The following DIS3L2 variants were observed in gnomAD, a reference collection of about 807,000 sequenced individuals.
The protein encoded by DIS3L2 is DIS3 like 3'-5' exoribonuclease 2.
DIS3L2 carries 34 observed loss-of-function variants against 97.5 expected under a neutral mutation model. The observed-to-expected ratio is 0.35, with a 90% confidence interval of 0.27 to 0.46. DIS3L2 has a LOEUF of 0.46. Among genes scored for constraint, DIS3L2 ranks in the 20% least tolerant of loss-of-function variants. The pLI is 1.00. For synonymous variants in DIS3L2, 435 were observed against 445.2 expected (o/e 0.98, Z 0.29); for missense variants, 1,038 against 1,146.0 (o/e 0.91, Z 1.36).
chr2:232,136,790 T>A, intron 8 of DIS3L2, 71 bp downstream of exon 8: 1 of 1,531,890 alleles, frequency 6.5e-7, no homozygotes, highest in Non-Finnish European at 8.8e-7. Flanking sequence ...TTAGGTAAAC[T>A]TTTTGTGTAT....
At chr2:231,990,708 A>G (rs1693560435) in intron 1 of DIS3L2, among the ~76,000 whole-genome samples, 1 of 152,042 alleles carries the variant, frequency 6.6e-6, no homozygotes, top group African/African-American at 2.4e-5. Flanking sequence ...TTATTGTGTG[A>G]TTTATGGCCA....
intron 3 of DIS3L2, 48 bp from the exon 4 acceptor site, chr2:232,024,229 C>A (rs377642822): frequency 7.1e-7 from 1 of 1,400,000 alleles, no homozygotes; most frequent in Admixed American, 2.2e-5. Flanking sequence ...GTGGAAAAAT[C>A]GTAAATATAT....
Position 232,024,342 on chromosome 2 carries a change from A to G in DIS3L2, c.264+12A>G, listed in dbSNP as rs1199840613. On this transcript the variant is annotated intron_variant, in intron 4 of 20. Coordinates refer to ENST00000325385, the MANE Select transcript of DIS3L2 (RefSeq NM_152383.5). ...TCATTCCTTCCCCGGTAAGTTCAAT[A>G]AATTTATAATAAACTTTATGTCACA... is the stretch of plus-strand genomic sequence containing the variant. 1 of 1,584,654 alleles carries G rather than the reference A, an allele frequency of 6.3e-7. No homozygotes were observed. The highest frequency in any genetic ancestry group is 1.1e-5 in the South Asian group (1 of 86,960).
At chr2:232,184,916 A>T (rs1197434902) in intron 9 of DIS3L2, among the ~76,000 whole-genome samples, 1 of 152,092 alleles carries the variant, frequency 6.6e-6, no homozygotes, top group African/African-American at 2.4e-5. Context: ...ATTGTACTTC[A>T]TCCATTTTCC....
chr2:232,335,660 G>A (rs1695919022), intron 19 of DIS3L2, 113 bp from the exon 20 acceptor site: 2 of 1,217,020 alleles, frequency 1.6e-6, no homozygotes, highest in East Asian at 2.6e-5. Flanking sequence ...CCAGGCAAGG[G>A]TGGGCCAGGG....
chr2:232,012,948 G>C (rs1188344320), intron 1 of DIS3L2, among the ~76,000 whole-genome samples: 3 of 152,132 alleles, frequency 2.0e-5, no homozygotes, highest in Non-Finnish European at 4.4e-5. Context: ...TTTTGCTCCT[G>C]TTTTCAAGTA....
Position 232,336,683 on chromosome 2 carries a change from GC to G in DIS3L2, c.*54del. 6.4e-7 allele frequency: 1 copy of G among 1,572,596 alleles called. No homozygotes were observed. The highest frequency in any genetic ancestry group is 8.6e-7 in the Non-Finnish European group (1 of 1,164,620). ...CCCGCCTGCCTGTCCCGCCACACTG[GC>G]TTTAGGACCTGTTGACACGGAGGGG... On this transcript the variant is annotated 3_prime_UTR_variant, in exon 21 of 21. Coordinates refer to ENST00000325385, the MANE Select transcript of DIS3L2 (RefSeq NM_152383.5).
intron 9 of DIS3L2, among the ~76,000 whole-genome samples, chr2:232,167,871 G>A (rs1425601847): frequency 6.6e-6 from 1 of 152,088 alleles, no homozygotes; most frequent in African/African-American, 2.4e-5. Context: ...CCAACATGGT[G>A]AAACCCTGTC....
chr2:232,275,881 C>T (rs889412684), intron 13 of DIS3L2, among the ~76,000 whole-genome samples: 5 of 152,104 alleles, frequency 3.3e-5, no homozygotes, highest in Admixed American at 6.5e-5. Flanking sequence ...CAGGTGTGCA[C>T]GTGGCTGCTT....
At chr2:232,010,649 C>T (rs551233013) in intron 1 of DIS3L2, among the ~76,000 whole-genome samples, 20 of 152,048 alleles carry the variant, frequency 1.3e-4, no homozygotes, top group East Asian at 7.7e-4. Flanking sequence ...CTTCGCTATT[C>T]GGCTTCATAC....
intron 11 of DIS3L2, among the ~76,000 whole-genome samples, chr2:232,242,465 GGCTCCCACATCACTGCTA>G (rs1182948798): frequency 6.6e-6 from 1 of 152,162 alleles, no homozygotes; most frequent in Admixed American, 6.5e-5. Flanking sequence ...GTGGGCATCT[GGCTCCCACATCACTGCTA>G]GTCCTTCCTG....
At chr2:232,337,219 CG>C (rs1695989141), downstream of DIS3L2, 1 of 900,780 alleles carries the variant, frequency 1.1e-6, no homozygotes, top group African/African-American at 3.4e-5. Context: ...ATCACCCTGA[CG>C]AATGTGACTG....
At chr2:232,227,225 A>G (rs1189662280) in intron 10 of DIS3L2, among the ~76,000 whole-genome samples, 1 of 152,232 alleles carries the variant, frequency 6.6e-6, no homozygotes, top group Non-Finnish European at 1.5e-5. Context: ...GTAATCTTTT[A>G]AAATTAAATT....
At chr2:232,282,576 C>T (rs1173852696) in intron 13 of DIS3L2, among the ~76,000 whole-genome samples, 1 of 152,180 alleles carries the variant, frequency 6.6e-6, no homozygotes, top group African/African-American at 2.4e-5. Context: ...TTCAGATTTC[C>T]ATAGCTAGTC....
chr2:232,310,808 G>A (rs945889290), intron 14 of DIS3L2, among the ~76,000 whole-genome samples: 1 of 152,220 alleles, frequency 6.6e-6, no homozygotes, highest in Non-Finnish European at 1.5e-5. Context: ...TTGCCCATGG[G>A]TCCAGGAGCA....
At chr2:232,069,187 G>A (rs1316442209) in intron 5 of DIS3L2, among the ~76,000 whole-genome samples, 2 of 152,132 alleles carry the variant, frequency 1.3e-5, no homozygotes, top group Non-Finnish European at 2.9e-5. Flanking sequence ...GTAAGGGACT[G>A]CAGCTAAGTC....
intron 3 of DIS3L2, among the ~76,000 whole-genome samples, chr2:232,020,455 T>C (rs1228200463): frequency 6.6e-6 from 1 of 151,958 alleles, no homozygotes; most frequent in Non-Finnish European, 1.5e-5. Context: ...GGATGAGATA[T>C]GGAAGGTGAG....
intron 5 of DIS3L2, among the ~76,000 whole-genome samples, chr2:232,060,369 T>A (rs1174587756): frequency 6.6e-6 from 1 of 152,150 alleles, no homozygotes; most frequent in East Asian, 1.9e-4. Flanking sequence ...TAGTTTGAGG[T>A]CTTAGATTTA....
intron 6 of DIS3L2, among the ~76,000 whole-genome samples, chr2:232,096,906 C>T (rs1015112730): frequency 1.3e-5 from 2 of 152,154 alleles, no homozygotes; most frequent in African/African-American, 4.8e-5. Context: ...ATCTCTGTTT[C>T]TTCAGGATTG....
Sources: allele counts gnomAD v4.1 joint callset (sites outside exome capture counted in the v4.1 genomes callset), GRCh38; gene constraint gnomAD v4.1.1; transcripts MANE v1.5; gene names NCBI Gene and HGNC (gene_info 2026-07-23, HGNC 2026-07-21).